PTPRT: variants seen among roughly 807,000 people sequenced by gnomAD.
The protein encoded by PTPRT is protein tyrosine phosphatase receptor type T, also known as receptor-type tyrosine-protein phosphatase T.
A neutral mutation model predicts 176.8 loss-of-function variants in PTPRT; 56 were observed. The observed-to-expected ratio is 0.32, with a 90% CI of 0.26 to 0.40. PTPRT has a LOEUF of 0.40. Among genes scored for constraint, PTPRT ranks in the 10% least tolerant of loss-of-function variants. PTPRT has a pLI of 1.00. For synonymous variants in PTPRT, 783 were observed against 739.0 expected, an observed-to-expected ratio of 1.06 and a Z score of -0.96; for missense variants, 1,540 against 1,908.2, an observed-to-expected ratio of 0.81 and a Z score of 3.60.
intron 1 of PTPRT, among the ~76,000 whole-genome samples, chr20:42,974,306 A>G (rs978954191): frequency 6.6e-6 from 1 of 152,164 alleles, no homozygotes; most frequent in East Asian, 1.9e-4. Flanking sequence ...CTTGCCAACT[A>G]CAGCTAAGCC....
At chr20:42,294,534 C>G (rs1160957965) in intron 12 of PTPRT, among the ~76,000 whole-genome samples, 3 of 152,028 alleles carry the variant, frequency 2.0e-5, no homozygotes, top group African/African-American at 7.2e-5. Flanking sequence ...ACTTTACTAT[C>G]CAGTCAGAAC....
In PTPRT at chr20:43,032,369, T is replaced by C. The variant is rs1009756030; in HGVS notation, c.89-146437A>G. ...CACCATTGCACAAAATTCTATTGAATAGTGCTGATAAGGGCTGCTTTGAGG... is the reference window on the plus strand; with the variant it reads ...CACCATTGCACAAAATTCTATTGAACAGTGCTGATAAGGGCTGCTTTGAGG... On this transcript the variant is annotated intron_variant, in intron 1 of 30. Coordinates refer to ENST00000373187, the MANE Select transcript of PTPRT (RefSeq NM_007050.6). Among the ~76,000 whole-genome samples the C allele has an allele frequency of 3.3e-5, 5 of 151,252 alleles. No homozygotes were observed. In the South Asian group the frequency reaches 6.3e-4, roughly 19 times the overall value.
chr20:43,083,359 T>TATATATATATATAC (rs2011514876), intron 1 of PTPRT, among the ~76,000 whole-genome samples: 1 of 126,810 alleles, frequency 7.9e-6, no homozygotes, highest in African/African-American at 3.3e-5. Flanking sequence ...TATATATATA[T>TATATATATATATAC]ATATATATAT....
At chr20:42,855,429 CTTTTTTTT>C (rs555034551) in intron 2 of PTPRT, among the ~76,000 whole-genome samples, 2 of 115,686 alleles carry the variant, frequency 1.7e-5, no homozygotes, top group Non-Finnish European at 3.4e-5. Flanking sequence ...TATGTTCATG[CTTTTTTTT>C]TTTTTTTTTT....
chr20:42,081,936 C>A lies in PTPRT; in HGVS notation c.4218G>T (p.Val1406=), dbSNP rs1255721116. 1.9e-6 allele frequency: 3 copies of A among 1,614,104 alleles called. No homozygotes were observed. Among genetic ancestry groups the A allele is most frequent in the Non-Finnish European group, 2.5e-6 (3 of 1,180,036 alleles). Reference sequence around the variant, plus strand: ...TACGCAGTGTTTTCACGATGTGGAACACGTCAATGATGTTTTGCTGCTGGA... The same window carrying A: ...TACGCAGTGTTTTCACGATGTGGAAAACGTCAATGATGTTTTGCTGCTGGA... ...EMIQQQNIID[V]FHIVKTLRNN... Residue 1406 remains valine, a synonymous_variant, in exon 30 of 31, where the codon GTG becomes GTT. Transcript: ENST00000373187.
chr20:42,271,893 C>T (rs2056942184), intron 13 of PTPRT, among the ~76,000 whole-genome samples: 1 of 152,106 alleles, frequency 6.6e-6, no homozygotes, highest in African/African-American at 2.4e-5. Context: ...ACAAAAAATA[C>T]ATAATTTCAA....
chr20:42,877,701 C>T (rs1348277125), intron 2 of PTPRT, among the ~76,000 whole-genome samples: 2 of 152,110 alleles, frequency 1.3e-5, no homozygotes, highest in African/African-American at 2.4e-5. Flanking sequence ...CTACAAGAAC[C>T]GAAGCTAGCT....
chr20:42,345,364 TATACAC>T (rs1207208269), intron 11 of PTPRT, among the ~76,000 whole-genome samples: 1 of 92,932 alleles, frequency 1.1e-5, no homozygotes. Flanking sequence ...TGAAGGCATA[TATACAC>T]ACACACACAC....
chr20:42,189,407 A>T (rs1194235548), intron 16 of PTPRT, among the ~76,000 whole-genome samples: 1 of 152,194 alleles, frequency 6.6e-6, no homozygotes, highest in Non-Finnish European at 1.5e-5. Context: ...TAATCCACTT[A>T]CAACTCTCCT....
At chr20:42,214,514 C>A (rs1391132379) in intron 15 of PTPRT, among the ~76,000 whole-genome samples, 1 of 152,172 alleles carries the variant, frequency 6.6e-6, no homozygotes, top group Non-Finnish European at 1.5e-5. Flanking sequence ...ACAGCAGCAG[C>A]AACAGCAGCA....
intron 15 of PTPRT, among the ~76,000 whole-genome samples, chr20:42,203,518 T>C (rs572483520): frequency 3.9e-5 from 6 of 152,320 alleles, no homozygotes; most frequent in African/African-American, 1.4e-4. Context: ...CCTCTTCTTC[T>C]CCACTGGTCA....
chr20:43,107,569 G>A (rs2146336006), intron 1 of PTPRT, among the ~76,000 whole-genome samples: 1 of 152,316 alleles, frequency 6.6e-6, no homozygotes. Context: ...TCAGCCTCCT[G>A]GTTAATGTCT....
intron 13 of PTPRT, among the ~76,000 whole-genome samples, chr20:42,265,395 T>C (rs1467779693): frequency 6.6e-6 from 1 of 152,238 alleles, no homozygotes; most frequent in Non-Finnish European, 1.5e-5. Context: ...AACAGTACTC[T>C]ATTTGGCAGA....
intron 1 of PTPRT, among the ~76,000 whole-genome samples, chr20:43,037,523 T>C (rs1369278972): frequency 6.6e-6 from 1 of 152,216 alleles, no homozygotes; most frequent in Non-Finnish European, 1.5e-5. Flanking sequence ...AGTAAAACCC[T>C]ACTACCAAGC....
At chr20:42,990,104 A>G (rs1017780773) in intron 1 of PTPRT, among the ~76,000 whole-genome samples, 1 of 152,228 alleles carries the variant, frequency 6.6e-6, no homozygotes, top group Non-Finnish European at 1.5e-5. Context: ...CGAAGCCGTC[A>G]CCGTTTCAAA....
At chr20:42,973,256 T>C (rs1982757960) in intron 1 of PTPRT, among the ~76,000 whole-genome samples, 1 of 152,144 alleles carries the variant, frequency 6.6e-6, no homozygotes, top group Non-Finnish European at 1.5e-5. Flanking sequence ...CATTTTGATC[T>C]GGGAAAGACT....
intron 9 of PTPRT, among the ~76,000 whole-genome samples, chr20:42,414,523 T>C (rs1226919842): frequency 6.6e-6 from 1 of 152,048 alleles, no homozygotes. Context: ...TATTAGAAAA[T>C]AAATAGAAGA....
downstream of PTPRT, among the ~76,000 whole-genome samples, chr20:42,070,339 G>A (rs764866400): frequency 1.6e-4 from 24 of 151,336 alleles, no homozygotes; most frequent in African/African-American, 3.6e-4. Context: ...TCTGACATGC[G>A]CTCACACTCC....
At chr20:42,573,036 G>A (rs1303582643) in intron 7 of PTPRT, among the ~76,000 whole-genome samples, 2 of 146,878 alleles carry the variant, frequency 1.4e-5, no homozygotes, top group Non-Finnish European at 3.0e-5. Flanking sequence ...TGTTTTGTTT[G>A]CCATCCTATT....
Sources: gnomAD v4.1 joint callset for allele counts (sites outside exome capture counted in the v4.1 genomes callset) on GRCh38, gnomAD v4.1.1 for gene constraint, MANE v1.5 for transcripts, NCBI Gene and HGNC (gene_info 2026-07-23, HGNC 2026-07-21) for gene names.